MARCHF1: variants seen among roughly 807,000 people sequenced by gnomAD.
MARCHF1 encodes E3 ubiquitin-protein ligase MARCHF1.
MARCHF1 carries 40 observed loss-of-function variants against 54.2 expected under a neutral mutation model. The observed-to-expected ratio is 0.74, with a 90% CI of 0.57 to 0.96. The LOEUF (loss-of-function observed/expected upper bound fraction) is 0.96, where lower values mean the gene tolerates loss of function less well. MARCHF1 is among the 40% of genes least tolerant of loss of function. The pLI is 0.00. For synonymous variants in MARCHF1, 236 were observed against 236.3 expected, an observed-to-expected ratio of 1.00 and a Z score of 0.01; for missense variants, 586 against 656.5, an observed-to-expected ratio of 0.89 and a Z score of 1.17.
intron 3 of MARCHF1, among the ~76,000 whole-genome samples, chr4:163,881,468 T>C (rs910878588): frequency 1.4e-5 from 2 of 145,832 alleles, no homozygotes; most frequent in Non-Finnish European, 3.1e-5. Flanking sequence ...CGAGACTCCA[T>C]CTCAAAAGAA....
chr4:163,876,020 G>A (rs570486691), intron 3 of MARCHF1, among the ~76,000 whole-genome samples: 1 of 152,164 alleles, frequency 6.6e-6, no homozygotes, highest in Admixed American at 6.5e-5. Context: ...AAATATTAGA[G>A]TTGGAATAAA....
At chr4:164,246,313 T>A (rs1276242145) in intron 1 of MARCHF1, among the ~76,000 whole-genome samples, 2 of 44,148 alleles carry the variant, frequency 4.5e-5, no homozygotes, top group African/African-American at 1.1e-4. Context: ...TACAACTATC[T>A]GATCTTTGAC....
chr4:164,350,981 C>T (rs62350472), intron 1 of MARCHF1, among the ~76,000 whole-genome samples: 76 of 152,108 alleles, frequency 5.0e-4, no homozygotes, highest in South Asian at 1.5e-3. Context: ...GTTCCCTTTC[C>T]GAGTCAAAGA....
At chr4:164,189,022 G>C (rs1336910100) in intron 1 of MARCHF1, 3 of 694,104 alleles carry the variant, frequency 4.3e-6, no homozygotes, top group Non-Finnish European at 7.9e-6. Flanking sequence ...ATAAGAGGGA[G>C]GGGGAGAAGA....
chr4:164,292,046 C>G (rs935131396), intron 1 of MARCHF1, among the ~76,000 whole-genome samples: 1 of 151,964 alleles, frequency 6.6e-6, no homozygotes, highest in Non-Finnish European at 1.5e-5. Context: ...TTTTTTCATA[C>G]TTTATTGAAT....
chr4:164,218,938 A>G (rs1411257357), intron 1 of MARCHF1, among the ~76,000 whole-genome samples: 2 of 152,122 alleles, frequency 1.3e-5, no homozygotes, highest in Non-Finnish European at 2.9e-5. Flanking sequence ...TTATATAGCA[A>G]TTAATGTAAA....
intron 2 of MARCHF1, among the ~76,000 whole-genome samples, chr4:164,014,625 A>G (rs1339603457): frequency 6.6e-6 from 1 of 152,146 alleles, no homozygotes; most frequent in African/African-American, 2.4e-5. Context: ...ACAAGACTCA[A>G]ATATATGATG....
intron 4 of MARCHF1, among the ~76,000 whole-genome samples, chr4:163,733,629 C>A (rs746395053): frequency 5.9e-5 from 9 of 151,692 alleles, no homozygotes; most frequent in Non-Finnish European, 1.0e-4. Context: ...CAACAGTCCC[C>A]GGAGTGTGAT....
At chr4:163,968,863 T>C (rs1317972858) in intron 3 of MARCHF1, among the ~76,000 whole-genome samples, 1 of 152,174 alleles carries the variant, frequency 6.6e-6, no homozygotes, top group Non-Finnish European at 1.5e-5. Context: ...AGAAATTGTT[T>C]ATCCAAAATC....
In MARCHF1 at chr4:164,196,917, G is replaced by A. The variant is rs1015608721; in HGVS notation, c.-322-85255C>T. On this transcript the variant is annotated intron_variant, in intron 1 of 9. Transcript: ENST00000514618. ...GGGGGCAGGATTGGAGGGGGGAGGG[G>A]ATATGGGTAAAAACAGTCAAATCAC... is the stretch of plus-strand genomic sequence containing the variant. The A allele has an allele frequency of 2.3e-5, 34 of 1,507,032 alleles. No individual in the cohort carries two copies. In the African/African-American group the frequency reaches 3.9e-4, roughly 17 times the overall value. The allele number at this position is 1,507,032 out of a possible 1,614,324, so 93.4% of individuals were successfully genotyped here.
chr4:164,113,771 T>G (rs111269109), intron 1 of MARCHF1, among the ~76,000 whole-genome samples: 8 of 151,986 alleles, frequency 5.3e-5, no homozygotes, highest in African/African-American at 1.4e-4. Context: ...CAACACAATC[T>G]CCCTTGACTC....
At chr4:164,324,411 T>C (rs1421145797) in intron 1 of MARCHF1, among the ~76,000 whole-genome samples, 1 of 151,794 alleles carries the variant, frequency 6.6e-6, no homozygotes, top group African/African-American at 2.4e-5. Flanking sequence ...GTGAAGATTC[T>C]AGTAAATATA....
intron 5 of MARCHF1, among the ~76,000 whole-genome samples, chr4:163,681,057 C>T (rs6826691): frequency 0.65 from 97,614 of 150,300 alleles, 31,924 homozygotes; most frequent in African/African-American, 0.72. Flanking sequence ...AAATATGGTG[C>T]ATTAGGTGCT....
chr4:164,052,542 G>A (rs1270821168), intron 2 of MARCHF1, among the ~76,000 whole-genome samples: 1 of 151,830 alleles, frequency 6.6e-6, no homozygotes, highest in Non-Finnish European at 1.5e-5. Flanking sequence ...AAAAAAAAGA[G>A]CCTTCCTCCT....
intron 2 of MARCHF1, among the ~76,000 whole-genome samples, chr4:164,011,940 T>C (rs993812219): frequency 3.3e-5 from 5 of 152,156 alleles, no homozygotes; most frequent in Admixed American, 1.3e-4. Context: ...GAGCACTATA[T>C]TGGAACTCAC....
rs149849766 is a variant in MARCHF1 at position 163,820,460 on chromosome 4, A to T, written c.111+33561T>A. ...CTTGTTTTATCCTCTTTCACTGGGA[A>T]AAATCATTCATGCTCACAGATTCAA... On this transcript the variant is annotated intron_variant, in intron 4 of 9. Transcript: ENST00000514618. Among the ~76,000 whole-genome samples, 479 of 152,160 alleles carry T rather than the reference A, an allele frequency of 3.1e-3. 3 individuals carry two copies. Among genetic ancestry groups the T allele is most frequent in the African/African-American group, 0.011 (457 of 41,548 alleles).
intron 3 of MARCHF1, among the ~76,000 whole-genome samples, chr4:163,881,339 C>T (rs1231967318): frequency 1.3e-5 from 2 of 152,122 alleles, no homozygotes; most frequent in African/African-American, 4.8e-5. Context: ...GGCATGGTGG[C>T]AGGTGCCTGT....
intron 5 of MARCHF1, among the ~76,000 whole-genome samples, chr4:163,638,226 A>T (rs1451523736): frequency 2.0e-5 from 3 of 149,352 alleles, no homozygotes; most frequent in Non-Finnish European, 2.9e-5. Flanking sequence ...CATGTACCCT[A>T]AAACTTAAAG....
chr4:164,019,661 A>T (rs913234900), intron 2 of MARCHF1, among the ~76,000 whole-genome samples: 1 of 152,232 alleles, frequency 6.6e-6, no homozygotes, highest in Non-Finnish European at 1.5e-5. Flanking sequence ...TGCAAAGGTT[A>T]CAGAATGAGG....
Sources: allele counts gnomAD v4.1 joint callset (sites outside exome capture counted in the v4.1 genomes callset), GRCh38; gene constraint gnomAD v4.1.1; transcripts MANE v1.5; gene names NCBI Gene and HGNC (gene_info 2026-07-23, HGNC 2026-07-21).